Variants in SYNE2 observed in about 807,000 individuals in gnomAD.
SYNE2 encodes spectrin repeat containing nuclear envelope protein 2.
A neutral mutation model predicts 856.3 loss-of-function variants in SYNE2; 431 were observed. The observed-to-expected ratio is 0.50, with a 90% CI of 0.47 to 0.55. The LOEUF (loss-of-function observed/expected upper bound fraction) is 0.55, where lower values mean the gene tolerates loss of function less well. Ranked by LOEUF, SYNE2 falls within the 20% of genes least tolerant of loss-of-function variation. SYNE2 has a pLI of 0.00. For synonymous variants in SYNE2, 2,923 were observed against 2,872.3 expected (o/e 1.02, Z -0.56); for missense variants, 8,129 against 8,023.2 (o/e 1.01, Z -0.50).
chr14:64,213,210 G>A (rs1023067326), intron 105 of SYNE2, among the ~76,000 whole-genome samples: 2 of 152,206 alleles, frequency 1.3e-5, no homozygotes, highest in Non-Finnish European at 2.9e-5. Flanking sequence ...ATTCCCCAGT[G>A]GAAAGCATGG....
At chr14:63,983,952 AAAG>A (rs2096605554) in intron 18 of SYNE2, 66 bp downstream of exon 18, 2 of 1,259,878 alleles carry the variant, frequency 1.6e-6, no homozygotes, top group Non-Finnish European at 2.2e-6. Context: ...CTATTAAAAA[AAAG>A]ATATTGCCGG....
chr14:64,079,008 G>T (rs936316039), intron 55 of SYNE2, among the ~76,000 whole-genome samples: 1 of 152,186 alleles, frequency 6.6e-6, no homozygotes, highest in Admixed American at 6.5e-5. Flanking sequence ...GGAGATGGAG[G>T]TTGCAATGAG....
intron 8 of SYNE2, among the ~76,000 whole-genome samples, chr14:63,961,035 A>T (rs1400296267): frequency 6.6e-6 from 1 of 152,226 alleles, no homozygotes; most frequent in Non-Finnish European, 1.5e-5. Context: ...TGAATGAATG[A>T]ACAAACTCTG....
chr14:64,201,825 T>C (rs961603901), intron 99 of SYNE2, among the ~76,000 whole-genome samples: 1 of 152,162 alleles, frequency 6.6e-6, no homozygotes, highest in African/African-American at 2.4e-5. Flanking sequence ...TAAGTATTGA[T>C]AAGTGGGAAC....
At chr14:63,978,081 C>A in intron 13 of SYNE2, 64 bp downstream of exon 13, 2 of 1,022,664 alleles carry the variant, frequency 2.0e-6, no homozygotes, top group Non-Finnish European at 3.1e-6. Context: ...ACTGATACTA[C>A]AGGGACCACA....
At position 63,949,839 on chromosome 14, in the gene SYNE2, C is replaced by T. The variant is rs1595832901; in HGVS notation, c.423C>T (p.Ala141=). The T allele has an allele frequency of 1.2e-6, 2 of 1,614,098 alleles. No individual in the cohort carries two copies. Among genetic ancestry groups the T allele is most frequent in the Non-Finnish European group, 1.7e-6 (2 of 1,179,996 alleles). The change falls in exon 7 of 116, where the codon GCC becomes GCT. Residue 141 remains alanine, a synonymous_variant. Transcript: ENST00000555002. ...IILHFHIEKL[A]QTLSCNYNQP... Reference sequence around the variant, plus strand: ...GCCTTCCTTAGATTGAGAAGCTTGCCCAGACTCTTTCTTGCAATTACAATC... The same window carrying T: ...GCCTTCCTTAGATTGAGAAGCTTGCTCAGACTCTTTCTTGCAATTACAATC...
chr14:63,812,918 A>G (rs898115779), intron 1 of SYNE2, among the ~76,000 whole-genome samples: 1 of 152,208 alleles, frequency 6.6e-6, no homozygotes, highest in Non-Finnish European at 1.5e-5. Context: ...TTAAAAAAAG[A>G]AAAACCAGCC....
At chr14:63,876,916 C>G (rs1469562719) in intron 1 of SYNE2, among the ~76,000 whole-genome samples, 4 of 152,214 alleles carry the variant, frequency 2.6e-5, no homozygotes, top group East Asian at 1.9e-4. Context: ...TCCGTGGATA[C>G]TCAGCCTGTT....
intron 16 of SYNE2, among the ~76,000 whole-genome samples, chr14:63,981,871 C>CA (rs2096588127): frequency 6.6e-6 from 1 of 151,914 alleles, no homozygotes; most frequent in Admixed American, 6.6e-5. Context: ...GGTAAGAGTG[C>CA]AAAAAAGAGC....
At chr14:63,773,712 C>T (rs757830932) in intron 1 of SYNE2, among the ~76,000 whole-genome samples, 1 of 152,096 alleles carries the variant, frequency 6.6e-6, no homozygotes, top group Non-Finnish European at 1.5e-5. Context: ...CAGGCATGCA[C>T]CAACATGCCC....
At chr14:64,223,528 G>T (rs1048806211) in intron 113 of SYNE2, 148 bp downstream of exon 113, 3 of 780,394 alleles carry the variant, frequency 3.8e-6, no homozygotes, top group Admixed American at 2.3e-5. Context: ...TTTTCTAGCT[G>T]TGTGGACTTA....
At chr14:64,030,323 T>C (rs2097023105) in intron 44 of SYNE2, among the ~76,000 whole-genome samples, 1 of 152,224 alleles carries the variant, frequency 6.6e-6, no homozygotes, top group Non-Finnish European at 1.5e-5. Context: ...GCCTGTATGT[T>C]ACTTCTTTAT....
At chr14:64,103,297 A>G (rs1357656069) in intron 64 of SYNE2, among the ~76,000 whole-genome samples, 1 of 152,088 alleles carries the variant, frequency 6.6e-6, no homozygotes, top group Non-Finnish European at 1.5e-5. Context: ...TTACCAAAGC[A>G]TGTAAATTAA....
In SYNE2 at chr14:64,158,480, C is replaced by G. The variant is rs942322634; in HGVS notation, c.15793-145C>G. On this transcript the variant is annotated intron_variant, in intron 85 of 115. Coordinates refer to ENST00000555002, the MANE Select transcript of SYNE2 (RefSeq NM_182914.3). ...CTCTGATATGTTCTTATGCATTGAC[C>G]TACCCTTTCCACCTTCAGTTAATCA... The G allele has an allele frequency of 2.1e-5, 18 of 841,124 alleles. No homozygotes were observed. In the African/African-American group the frequency reaches 2.7e-4, roughly 13 times the overall value. The allele number at this position is 841,124 out of a possible 1,614,324, so 52.1% of individuals were successfully genotyped here. A position where few individuals can be genotyped will look rare whatever the true frequency, so the allele number is the denominator to read the frequency against.
At chr14:64,193,428 T>C (rs1323310633) in intron 99 of SYNE2, among the ~76,000 whole-genome samples, 1 of 152,108 alleles carries the variant, frequency 6.6e-6, no homozygotes, top group Non-Finnish European at 1.5e-5. Context: ...TGCGCACCTG[T>C]AGTCCCAGCT....
At chr14:63,971,260 C>G (rs543011154) in intron 11 of SYNE2, among the ~76,000 whole-genome samples, 33 of 151,980 alleles carry the variant, frequency 2.2e-4, no homozygotes, top group African/African-American at 7.2e-4. Flanking sequence ...AACAGGCATG[C>G]ATCACCATGC....
At position 64,029,971 on chromosome 14, in the gene SYNE2, C is replaced by T. The variant is rs2097019057; in HGVS notation, c.6791C>T (p.Thr2264Ile). 5.0e-6 allele frequency: 8 copies of T among 1,613,932 alleles called. No homozygotes were observed. Among genetic ancestry groups the T allele is most frequent in the Middle Eastern group, 1.6e-4 (1 of 6,082 alleles). The change falls in exon 44 of 116, where the codon ACA becomes ATA. Residue 2264 changes from threonine to isoleucine, a missense_variant. Thr to Ile is a moderately conservative substitution (Grantham distance 89). This residue lies in a region of SYNE2 where 297 missense variants were observed against 380.9 expected (regional missense o/e 0.78). Coordinates refer to ENST00000555002, the MANE Select transcript of SYNE2 (RefSeq NM_182914.3). ...YQVCVTDLNT[T>I]LDNFSKEFVS... Reference sequence around the variant, plus strand: ...GTTTGCGTCACAGACCTGAATACTACATTGGACAATTTCTCCAAGGAATTT... The same window carrying T: ...GTTTGCGTCACAGACCTGAATACTATATTGGACAATTTCTCCAAGGAATTT...
rs558670858 is a variant in SYNE2, at chr14:64,189,993, G to C, written c.17872-78G>C. Reference sequence around the variant, plus strand: ...TTTTTTTTTTTTTTAATTTCAAGAGGTAACTCTATGTCTGTGGCTGGAGAA... The same window carrying C: ...TTTTTTTTTTTTTTAATTTCAAGAGCTAACTCTATGTCTGTGGCTGGAGAA... On this transcript the variant is annotated intron_variant, in intron 98 of 115. Transcript: ENST00000555002. The C allele has an allele frequency of 4.1e-5, 59 of 1,436,262 alleles. No individual in the cohort carries two copies. In the East Asian group the frequency reaches 1.4e-3, roughly 33 times the overall value. 89.0% of individuals were successfully genotyped at this position (1,436,262 alleles called of 1,614,324 possible).
rs544908613 is a variant in SYNE2 at position 63,804,467 on chromosome 14, GTTTTCTTTTC to G, written c.-305+42497_-305+42506del. 3.6e-4 allele frequency among the ~76,000 whole-genome samples: 54 copies of G among 151,942 alleles called. 1 individual carries two copies. The East Asian group carries it at 3.9e-3, about 11-fold the overall frequency. The stretch of plus-strand genomic sequence containing the variant: ...CTATATCCAGAATGGTATTTCCTAG[GTTTTCTTTTC>G]TTTTCTTTTCTTTTCCTTTCTTTTC... On this transcript the variant is annotated intron_variant, in intron 1 of 23. Coordinates refer to the SYNE2 transcript ENST00000674003.
Sources: allele counts gnomAD v4.1 joint callset (sites outside exome capture counted in the v4.1 genomes callset), GRCh38; gene constraint gnomAD v4.1.1; regional missense constraint gnomAD v4.1.1; transcripts MANE v1.5; gene names NCBI Gene and HGNC (gene_info 2026-07-23, HGNC 2026-07-21).